FHIP2A: variants seen among roughly 807,000 people sequenced by gnomAD.
The protein encoded by FHIP2A is family with sequence similarity 160 member B1.
FHIP2A carries 46 observed loss-of-function variants against 93.5 expected under a neutral mutation model. The observed-to-expected ratio is 0.49, with a 90% CI of 0.39 to 0.63. FHIP2A has a LOEUF of 0.63. FHIP2A is among the 20% of genes least tolerant of loss of function. The pLI, the probability that FHIP2A is intolerant of heterozygous loss-of-function variation, is 0.00. For synonymous variants in FHIP2A, 332 were observed against 326.5 expected (o/e 1.02, Z -0.18); for missense variants, 769 against 909.7 (o/e 0.85, Z 1.99).
At chr10:114,844,630 T>C (rs1198457755) in intron 7 of FHIP2A, among the ~76,000 whole-genome samples, 1 of 152,220 alleles carries the variant, frequency 6.6e-6, no homozygotes, top group African/African-American at 2.4e-5. Flanking sequence ...GTCCACTCGC[T>C]ATTTCTGTTT....
intron 1 of FHIP2A, among the ~76,000 whole-genome samples, chr10:114,822,680 G>T (rs887162887): frequency 1.3e-5 from 2 of 152,244 alleles, no homozygotes; most frequent in Non-Finnish European, 2.9e-5. Context: ...CCCCCGGGTT[G>T]CTGGCTTTTG....
chr10:114,884,220 C>T (rs1011055379), intron 16 of FHIP2A, among the ~76,000 whole-genome samples: 1 of 152,106 alleles, frequency 6.6e-6, no homozygotes, highest in Non-Finnish European at 1.5e-5. Flanking sequence ...TGTATAAAGG[C>T]AGCCCCAACA....
intron 7 of FHIP2A, 129 bp from the exon 8 acceptor site, chr10:114,845,238 C>G: frequency 1.9e-6 from 1 of 527,476 alleles, no homozygotes; most frequent in Non-Finnish European, 3.5e-6. Flanking sequence ...TCACTGTCCT[C>G]CAGCATTTCC....
chr10:114,893,526 A>C (rs529417331), intron 16 of FHIP2A, among the ~76,000 whole-genome samples: 1 of 152,328 alleles, frequency 6.6e-6, no homozygotes, highest in East Asian at 1.9e-4. Context: ...AGTTGACGTC[A>C]ATCTACTTAT....
intron 5 of FHIP2A, among the ~76,000 whole-genome samples, chr10:114,839,424 G>A (rs1164411454): frequency 6.6e-6 from 1 of 152,178 alleles, no homozygotes; most frequent in Non-Finnish European, 1.5e-5. Flanking sequence ...ACCATGGCCA[G>A]CCAGAAATGC....
At chr10:114,872,308 G>A (rs1297625360) in intron 16 of FHIP2A, among the ~76,000 whole-genome samples, 2 of 152,130 alleles carry the variant, frequency 1.3e-5, no homozygotes, top group Non-Finnish European at 2.9e-5. Flanking sequence ...ACCCAGATGT[G>A]ATCATTCAAA....
chr10:114,889,849 C>T (rs944436897), intron 16 of FHIP2A, among the ~76,000 whole-genome samples: 1 of 152,202 alleles, frequency 6.6e-6, no homozygotes, highest in Non-Finnish European at 1.5e-5. Context: ...TCCTACTCGC[C>T]TTAGCCTCTG....
At chr10:114,893,510 T>G (rs2083985943) in intron 16 of FHIP2A, among the ~76,000 whole-genome samples, 1 of 152,176 alleles carries the variant, frequency 6.6e-6, no homozygotes, top group East Asian at 1.9e-4. Context: ...GTAACCACAT[T>G]TCTAGAGTTG....
intron 5 of FHIP2A, among the ~76,000 whole-genome samples, chr10:114,836,571 G>T (rs555825915): frequency 6.6e-6 from 1 of 152,280 alleles, no homozygotes; most frequent in South Asian, 2.1e-4. Flanking sequence ...AGCCAAGCTT[G>T]CCCTAGTATG....
chr10:114,876,020 G>GA (rs949647864), intron 16 of FHIP2A, among the ~76,000 whole-genome samples: 1 of 151,964 alleles, frequency 6.6e-6, no homozygotes, highest in African/African-American at 2.4e-5. Context: ...GAAAGAAAAA[G>GA]AAAGAAAAGC....
At chr10:114,897,958 T>A (rs1021124415) in intron 16 of FHIP2A, among the ~76,000 whole-genome samples, 1 of 152,174 alleles carries the variant, frequency 6.6e-6, no homozygotes, top group African/African-American at 2.4e-5. Flanking sequence ...TTATTACTAT[T>A]GGGATTGTGT....
At chr10:114,848,241 G>A (rs1450493009) in intron 12 of FHIP2A, among the ~76,000 whole-genome samples, 2 of 151,992 alleles carry the variant, frequency 1.3e-5, no homozygotes, top group Non-Finnish European at 2.9e-5. Flanking sequence ...CAAAATTAGG[G>A]TACATAAAAA....
chr10:114,887,092 A>T (rs141134743), intron 16 of FHIP2A, among the ~76,000 whole-genome samples: 1 of 152,310 alleles, frequency 6.6e-6, no homozygotes, highest in East Asian at 1.9e-4. Flanking sequence ...TGCACCAGGG[A>T]TGGAAAACTT....
Position 114,822,048 on chromosome 10 carries a change from C to T in FHIP2A, c.-31C>T. On this transcript the variant is annotated 5_prime_UTR_variant, in exon 1 of 17. Transcript: ENST00000369248. ...GGATCGAGGAGCTCTCCAGGTCGTC[C>T]CGGGAGAGGCTGCTGCAGTCCCGGG... 2 of 1,274,536 alleles carry T rather than the reference C, an allele frequency of 1.6e-6. No homozygotes were observed. Among genetic ancestry groups the T allele is most frequent in the Non-Finnish European group, 2.0e-6 (2 of 988,878 alleles). 79.0% of individuals were successfully genotyped at this position (1,274,536 alleles called of 1,614,324 possible). A position where few individuals can be genotyped will look rare whatever the true frequency, so the allele number is the denominator to read the frequency against.
chr10:114,849,419 T>G (rs2083721485), intron 13 of FHIP2A, among the ~76,000 whole-genome samples: 1 of 152,108 alleles, frequency 6.6e-6, no homozygotes, highest in African/African-American at 2.4e-5. Context: ...ACAAGTATAG[T>G]CCCTCTGCTG....
intron 1 of FHIP2A, among the ~76,000 whole-genome samples, chr10:114,829,360 C>G (rs1222346260): frequency 6.6e-6 from 1 of 152,156 alleles, no homozygotes; most frequent in Non-Finnish European, 1.5e-5. Flanking sequence ...GGGCCATTCT[C>G]AGCCTTGAGG....
At chr10:114,876,088 G>A (rs1354958664) in intron 16 of FHIP2A, among the ~76,000 whole-genome samples, 1 of 152,120 alleles carries the variant, frequency 6.6e-6, no homozygotes, top group African/African-American at 2.4e-5. Flanking sequence ...GAAGAGACCC[G>A]GGGCCCCCAC....
At chr10:114,839,618 C>T (rs1186702843) in intron 5 of FHIP2A, among the ~76,000 whole-genome samples, 1 of 151,988 alleles carries the variant, frequency 6.6e-6, no homozygotes, top group Non-Finnish European at 1.5e-5. Context: ...GTGGCTCATG[C>T]CTGTAATCCC....
At chr10:114,849,676 A>G (rs1182870632) in intron 13 of FHIP2A, among the ~76,000 whole-genome samples, 1 of 152,202 alleles carries the variant, frequency 6.6e-6, no homozygotes, top group African/African-American at 2.4e-5. Context: ...TATATTCACA[A>G]TGTTATGCAA....
Sources: gnomAD v4.1 joint callset for allele counts (sites outside exome capture counted in the v4.1 genomes callset) on GRCh38, gnomAD v4.1.1 for gene constraint, MANE v1.5 for transcripts, NCBI Gene and HGNC (gene_info 2026-07-23, HGNC 2026-07-21) for gene names.